Variants in PKD1L3 observed in about 807,000 individuals in gnomAD.
The protein encoded by PKD1L3 is polycystin-1-like protein 3.
PKD1L3 carries 239 observed loss-of-function variants against 184.1 expected under a neutral mutation model. That is an observed-to-expected ratio of 1.30 (90% CI 1.17 to 1.45). The LOEUF is 1.45. Among genes scored for constraint, PKD1L3 ranks in the 40% most tolerant of loss-of-function variants. The pLI, the probability that PKD1L3 is intolerant of heterozygous loss-of-function variation, is 0.00. For synonymous variants in PKD1L3, 996 were observed against 778.8 expected, an observed-to-expected ratio of 1.28 and a Z score of -4.64; for missense variants, 2,660 against 2,067.2, an observed-to-expected ratio of 1.29 and a Z score of -5.56.
At chr16:71,977,643 C>T (rs377058686) in intron 10 of PKD1L3, among the ~76,000 whole-genome samples, 176 bp from the exon 11 acceptor site, 10 of 151,324 alleles carry the variant, frequency 6.6e-5, no homozygotes, top group East Asian at 1.9e-4. Context: ...GCAATCCTCC[C>T]GCTTCAGTCT....
At chr16:71,972,710 T>C (rs2039763569) in intron 12 of PKD1L3, among the ~76,000 whole-genome samples, 1 of 152,156 alleles carries the variant, frequency 6.6e-6, no homozygotes, top group Admixed American at 6.6e-5. Context: ...TATCTTTCCT[T>C]CTCTTTCCAA....
intron 6 of PKD1L3, 105 bp downstream of exon 6, chr16:71,983,931 G>C: frequency 9.2e-6 from 13 of 1,420,034 alleles, no homozygotes; most frequent in Non-Finnish European, 1.2e-5. Context: ...CTAAAGTGCT[G>C]GGATTACAGG....
intron 16 of PKD1L3, among the ~76,000 whole-genome samples, chr16:71,958,997 T>C (rs541486062): frequency 1.4e-3 from 200 of 148,094 alleles, no homozygotes; most frequent in Middle Eastern, 7.1e-3. Flanking sequence ...TGAGAAAGAA[T>C]TGCTTGAACG....
chr16:71,986,187 A>T, intron 5 of PKD1L3, 34 bp downstream of exon 5: 1 of 1,548,480 alleles, frequency 6.5e-7, no homozygotes, highest in East Asian at 2.4e-5. Context: ...TGGGGGTCAC[A>T]AAGCTACCTG....
At chr16:71,994,066 G>A (rs961075381) in intron 2 of PKD1L3, among the ~76,000 whole-genome samples, 12 of 152,152 alleles carry the variant, frequency 7.9e-5, no homozygotes, top group South Asian at 2.1e-4. Flanking sequence ...CACCACGCCC[G>A]TCTGGCAATA....
chr16:71,971,395 C>T (rs1435069661), intron 12 of PKD1L3, among the ~76,000 whole-genome samples: 3 of 152,098 alleles, frequency 2.0e-5, no homozygotes, highest in Non-Finnish European at 4.4e-5. Context: ...GGGTGAAAAG[C>T]CTCCAGTACT....
chr16:71,998,648 A>T (rs2040870922), intron 1 of PKD1L3, among the ~76,000 whole-genome samples: 1 of 151,898 alleles, frequency 6.6e-6, no homozygotes. Flanking sequence ...ATGGGGTTTC[A>T]CCATGTTGGC....
At chr16:71,977,214 C>T in intron 11 of PKD1L3, 22 bp downstream of exon 11, 1 of 1,471,376 alleles carries the variant, frequency 6.8e-7, no homozygotes. Flanking sequence ...AAGTAAGTTT[C>T]TGACAGCTGA....
intron 9 of PKD1L3, 37 bp from the exon 10 acceptor site, chr16:71,978,420 G>A (rs2040011218): frequency 6.6e-7 from 1 of 1,515,644 alleles, no homozygotes; most frequent in African/African-American, 1.4e-5. Context: ...ATCCATTGCT[G>A]AAATATTTTT....
At chr16:71,943,099 C>A in intron 23 of PKD1L3, 75 bp from the exon 24 acceptor site, 6 of 1,237,810 alleles carry the variant, frequency 4.8e-6, no homozygotes, top group South Asian at 1.5e-5. Context: ...TTCATTTTTC[C>A]TAAGTCTATA....
At chr16:71,966,460 TG>T (rs1200882187) in intron 15 of PKD1L3, among the ~76,000 whole-genome samples, 1 of 151,180 alleles carries the variant, frequency 6.6e-6, no homozygotes, top group Non-Finnish European at 1.5e-5. Context: ...GACAGGGTCT[TG>T]CTGTTGCCCA....
At chr16:71,977,994 G>C (rs1037876031) in intron 10 of PKD1L3, among the ~76,000 whole-genome samples, 1 of 151,764 alleles carries the variant, frequency 6.6e-6, no homozygotes, top group African/African-American at 2.4e-5. Flanking sequence ...GGCTGGTCTC[G>C]AACTCCTGAC....
At chr16:71,930,443 A>G (rs2143058613) in intron 28 of PKD1L3, 1 of 302,128 alleles carries the variant, frequency 3.3e-6, no homozygotes, top group East Asian at 5.4e-5. Flanking sequence ...GGAATTGGAA[A>G]TGATTCAAAT....
intron 28 of PKD1L3, among the ~76,000 whole-genome samples, chr16:71,933,032 C>T (rs187148632): frequency 2.0e-5 from 3 of 152,112 alleles, no homozygotes; most frequent in Admixed American, 1.3e-4. Context: ...TCAAGCAGTC[C>T]TCCCCTTCTT....
chr16:71,998,198 TC>T, intron 2 of PKD1L3, 73 bp downstream of exon 2: 1 of 1,526,490 alleles, frequency 6.6e-7, no homozygotes, highest in Non-Finnish European at 8.9e-7. Flanking sequence ...TAACCAATAT[TC>T]TCACATGCAC....
intron 22 of PKD1L3, among the ~76,000 whole-genome samples, chr16:71,946,105 T>C (rs1377484644): frequency 5.9e-5 from 9 of 152,272 alleles, no homozygotes; most frequent in African/African-American, 2.4e-5. Context: ...ATTACAGGCA[T>C]GCACCACCAC....
intron 1 of PKD1L3, among the ~76,000 whole-genome samples, chr16:71,999,267 T>A (rs2040891652): frequency 8.2e-6 from 1 of 122,636 alleles, no homozygotes; most frequent in African/African-American, 3.0e-5. Context: ...CGAGACTCCA[T>A]CTCAAAAAAA....
At chr16:71,979,945 TTG>T in intron 8 of PKD1L3, 33 bp from the exon 9 acceptor site, 2 of 1,549,896 alleles carry the variant, frequency 1.3e-6, no homozygotes, top group Non-Finnish European at 1.7e-6. Context: ...AAGTCAATTT[TTG>T]TGTGTCCTCT....
At chr16:71,984,771 A>G (rs1012299470) in intron 5 of PKD1L3, among the ~76,000 whole-genome samples, 9 of 152,144 alleles carry the variant, frequency 5.9e-5, no homozygotes, top group Non-Finnish European at 8.8e-5. Flanking sequence ...AGGCAGGAGA[A>G]TCTCTTGAAC....
Sources: allele counts gnomAD v4.1 joint callset (sites outside exome capture counted in the v4.1 genomes callset), GRCh38; gene constraint gnomAD v4.1.1; transcripts MANE v1.5; gene names NCBI Gene and HGNC (gene_info 2026-07-23, HGNC 2026-07-21).